Variants in PTGER3 observed in about 807,000 individuals in gnomAD.
PTGER3 encodes the protein prostaglandin E receptor 3, also known as prostaglandin E2 receptor EP3 subtype.
Under a neutral mutation model 34.7 loss-of-function variants are expected in PTGER3, and 22 were observed. The observed-to-expected ratio is 0.63, with a 90% confidence interval of 0.45 to 0.91. PTGER3 has a LOEUF of 0.91. PTGER3 is among the 40% of genes least tolerant of loss of function. The pLI is 0.00. For missense variants in PTGER3, 468 were observed against 519.4 expected (o/e 0.90, Z 0.96); for synonymous variants, 241 against 230.1 (o/e 1.05, Z -0.43).
At chr1:70,952,228 C>T (rs144730006), downstream of PTGER3, among the ~76,000 whole-genome samples, 34 of 152,220 alleles carry the variant, frequency 2.2e-4, no homozygotes, top group African/African-American at 6.3e-4. Flanking sequence ...GCCACATTTA[C>T]TTATTAATAT....
Position 71,040,373 on chromosome 1 carries a change from G to A in PTGER3, c.897+6308C>T, listed in dbSNP as rs368766954. 3.9e-5 allele frequency among the ~76,000 whole-genome samples: 6 copies of A among 152,190 alleles called. No individual in the cohort carries two copies. The East Asian group carries it at 5.8e-4, about 15-fold the overall frequency. The stretch of plus-strand genomic sequence containing the variant: ...CCACAGCACTTTGGGAGGCAGAGGC[G>A]AGAGGATCACAGGAGGACAGGAGTT... On this transcript the variant is annotated intron_variant, in intron 1 of 3. Transcript: ENST00000306666.
intron 4 of PTGER3, among the ~76,000 whole-genome samples, chr1:70,902,103 A>C (rs920278110): frequency 5.3e-5 from 8 of 152,208 alleles, no homozygotes; most frequent in African/African-American, 1.9e-4. Flanking sequence ...AACCTTCCTT[A>C]AAAAAGGAAG....
At chr1:70,964,828 C>T (rs1040677174) in intron 2 of PTGER3, among the ~76,000 whole-genome samples, 1 of 152,104 alleles carries the variant, frequency 6.6e-6, no homozygotes, top group Non-Finnish European at 1.5e-5. Flanking sequence ...ATCTTCTTTC[C>T]GTTCTTTCTT....
chr1:70,955,134 T>C (rs1651187427), intron 2 of PTGER3, among the ~76,000 whole-genome samples: 1 of 152,152 alleles, frequency 6.6e-6, no homozygotes, highest in South Asian at 2.1e-4. Flanking sequence ...ATACAGAATT[T>C]GTAGCCAGAC....
At chr1:70,895,080 A>G (rs1406401321) in intron 4 of PTGER3, among the ~76,000 whole-genome samples, 3 of 152,234 alleles carry the variant, frequency 2.0e-5, no homozygotes, top group Non-Finnish European at 2.9e-5. Flanking sequence ...ATTGATTTCA[A>G]TTGATTATTG....
intron 4 of PTGER3, among the ~76,000 whole-genome samples, chr1:70,928,868 T>C (rs988416462): frequency 1.4e-5 from 2 of 147,172 alleles, no homozygotes; most frequent in Non-Finnish European, 3.0e-5. Context: ...AATTTACAGA[T>C]ACACACACAC....
At chr1:70,884,579 C>G (rs958069201) in intron 4 of PTGER3, among the ~76,000 whole-genome samples, 1 of 152,202 alleles carries the variant, frequency 6.6e-6, no homozygotes, top group African/African-American at 2.4e-5. Flanking sequence ...TAGGCTGACA[C>G]TTTGATTTCA....
chr1:71,036,717 T>A (rs1316498514), intron 1 of PTGER3, among the ~76,000 whole-genome samples: 1 of 151,188 alleles, frequency 6.6e-6, no homozygotes, highest in African/African-American at 2.4e-5. Flanking sequence ...TGGGCTCCTG[T>A]AGTCCCAGCT....
chr1:70,865,703 C>G, intron 4 of PTGER3: 1 of 1,366,512 alleles, frequency 7.3e-7, no homozygotes, highest in Non-Finnish European at 9.8e-7. Context: ...AAGTTTGAAG[C>G]TCGCAAGTGT....
At chr1:71,028,184 T>C (rs1332818799) in intron 1 of PTGER3, among the ~76,000 whole-genome samples, 1 of 152,104 alleles carries the variant, frequency 6.6e-6, no homozygotes, top group African/African-American at 2.4e-5. Flanking sequence ...GTGCCGGGGT[T>C]AGGGATGATC....
At chr1:70,960,875 C>T in intron 2 of PTGER3, among the ~76,000 whole-genome samples, 1 of 152,118 alleles carries the variant, frequency 6.6e-6, no homozygotes, top group East Asian at 1.9e-4. Context: ...AGCTGCACTC[C>T]CCACTTCTAG....
intron 4 of PTGER3, among the ~76,000 whole-genome samples, chr1:70,882,664 C>A (rs1646414849): frequency 6.6e-6 from 1 of 152,316 alleles, no homozygotes; most frequent in South Asian, 2.1e-4. Context: ...TTTATTATCA[C>A]AGATGGGAGC....
downstream of PTGER3, among the ~76,000 whole-genome samples, chr1:70,969,965 T>C (rs79515305): frequency 0.013 from 2,017 of 152,310 alleles, 44 homozygotes; most frequent in African/African-American, 0.046. Flanking sequence ...TTTATTGAGA[T>C]GCAATTAACT....
chr1:70,911,005 G>A (rs1335808224), intron 4 of PTGER3, among the ~76,000 whole-genome samples: 2 of 151,632 alleles, frequency 1.3e-5, no homozygotes, highest in African/African-American at 4.9e-5. Flanking sequence ...GCTTGAACCC[G>A]GGAGGCAGAG....
At chr1:70,977,537 C>A (rs1407168527) in intron 2 of PTGER3, among the ~76,000 whole-genome samples, 1 of 152,032 alleles carries the variant, frequency 6.6e-6, no homozygotes, top group Non-Finnish European at 1.5e-5. Flanking sequence ...ATGGTCTGTG[C>A]TGTCACCTTC....
At chr1:70,905,002 C>G (rs1044652188) in intron 4 of PTGER3, among the ~76,000 whole-genome samples, 3 of 152,114 alleles carry the variant, frequency 2.0e-5, no homozygotes, top group Non-Finnish European at 2.9e-5. Flanking sequence ...CTGTGTGCAA[C>G]CTAGGGACTT....
At chr1:70,858,571 G>A (rs555808220) in intron 4 of PTGER3, among the ~76,000 whole-genome samples, 1 of 152,300 alleles carries the variant, frequency 6.6e-6, no homozygotes, top group South Asian at 2.1e-4. Flanking sequence ...CTCTGGGCCA[G>A]TTTATTGAAT....
chr1:70,958,137 T>A (rs1050911240), intron 2 of PTGER3, among the ~76,000 whole-genome samples: 4 of 152,170 alleles, frequency 2.6e-5, no homozygotes, highest in African/African-American at 9.7e-5. Flanking sequence ...TCTTGACTAC[T>A]GTGAATAGCA....
chr1:70,984,837 CAGTT>C (rs1474216672), intron 2 of PTGER3, among the ~76,000 whole-genome samples: 1 of 152,036 alleles, frequency 6.6e-6, no homozygotes, highest in African/African-American at 2.4e-5. Flanking sequence ...TTTCCAAAAA[CAGTT>C]AAGAATAAAG....
Sources: gnomAD v4.1 joint callset for allele counts (sites outside exome capture counted in the v4.1 genomes callset) on GRCh38, gnomAD v4.1.1 for gene constraint, MANE v1.5 for transcripts, NCBI Gene and HGNC (gene_info 2026-07-23, HGNC 2026-07-21) for gene names.